Variants in MYH10 observed in about 807,000 individuals in gnomAD.
MYH10 encodes the protein myosin-10.
Under a neutral mutation model 257.8 loss-of-function variants are expected in MYH10, and 55 were observed. That is an observed-to-expected ratio of 0.21 (90% CI 0.17 to 0.27). The LOEUF is 0.27. MYH10 is among the 10% of genes least tolerant of loss of function. MYH10 has a pLI of 1.00. For missense variants in MYH10, 1,631 were observed against 2,500.6 expected (o/e 0.65, Z 7.42); for synonymous variants, 854 against 921.7 (o/e 0.93, Z 1.33).
intron 12 of MYH10, among the ~76,000 whole-genome samples, chr17:8,546,171 G>A (rs566892886): frequency 2.0e-5 from 3 of 151,640 alleles, no homozygotes; most frequent in East Asian, 3.9e-4. Flanking sequence ...CAATTCTCCC[G>A]TCTCAGCCTC....
At chr17:8,482,999 A>G (rs1287211918) in intron 37 of MYH10, among the ~76,000 whole-genome samples, 1 of 152,262 alleles carries the variant, frequency 6.6e-6, no homozygotes, top group Admixed American at 6.5e-5. Context: ...AACGTGTTCT[A>G]GGTCCCAGAG....
At chr17:8,548,905 G>T in intron 9 of MYH10, 118 bp from the exon 10 acceptor site, 1 of 747,684 alleles carries the variant, frequency 1.3e-6, no homozygotes, top group Non-Finnish European at 2.1e-6. Context: ...GCAACCCATT[G>T]CCAGCAAAAT....
At chr17:8,591,218 T>C (rs143246422) in intron 3 of MYH10, among the ~76,000 whole-genome samples, 53 of 152,284 alleles carry the variant, frequency 3.5e-4, no homozygotes, top group African/African-American at 1.2e-3. Flanking sequence ...CAAACAATAC[T>C]GCGGTTGACT....
chr17:8,500,737 C>T lies in MYH10; in HGVS notation c.3744+89G>A, dbSNP rs986786404. ...TACAGAGGCTGGAGCCTAATCAATA[C>T]ATGACTGAACAGAACGGGCAGATAG... On this transcript the variant is annotated intron_variant, in intron 29 of 42. Coordinates refer to ENST00000360416, the MANE Select transcript of MYH10 (RefSeq NM_001256012.3). The T allele has an allele frequency of 2.7e-6, 4 of 1,484,108 alleles. No individual in the cohort carries two copies. The African/African-American group carries it at 5.6e-5, about 21-fold the overall frequency. 91.9% of individuals were successfully genotyped at this position (1,484,108 alleles called of 1,614,324 possible). A position where few individuals can be genotyped will look rare whatever the true frequency, so the allele number is the denominator to read the frequency against.
intron 17 of MYH10, among the ~76,000 whole-genome samples, chr17:8,523,819 G>A (rs985931612): frequency 1.3e-5 from 2 of 152,228 alleles, no homozygotes; most frequent in Non-Finnish European, 2.9e-5. Flanking sequence ...AACTTGATAT[G>A]CAAAGTGAGG....
chr17:8,494,941 A>AC (rs1302938156), intron 31 of MYH10, among the ~76,000 whole-genome samples, 196 bp downstream of exon 31: 2 of 152,176 alleles, frequency 1.3e-5, no homozygotes, highest in African/African-American at 4.8e-5. Flanking sequence ...AGACACACGA[A>AC]CCCCAGGGGC....
intron 36 of MYH10, 133 bp downstream of exon 36, chr17:8,487,296 CTCTT>C (rs1914993838): frequency 1.0e-6 from 1 of 975,246 alleles, no homozygotes. Flanking sequence ...CACAAGCACT[CTCTT>C]TATGGCCTGC....
At chr17:8,561,759 C>A (rs1430898877) in intron 7 of MYH10, among the ~76,000 whole-genome samples, 1 of 152,092 alleles carries the variant, frequency 6.6e-6, no homozygotes, top group East Asian at 1.9e-4. Context: ...CACCAACATG[C>A]AACACTCTAT....
intron 2 of MYH10, among the ~76,000 whole-genome samples, chr17:8,607,007 A>G (rs1356330894): frequency 6.6e-6 from 1 of 152,216 alleles, no homozygotes; most frequent in Non-Finnish European, 1.5e-5. Flanking sequence ...TGCTGCCCAC[A>G]GGACAAAAGG....
At chr17:8,479,985 C>T in intron 40 of MYH10, 125 bp downstream of exon 40, 1 of 871,582 alleles carries the variant, frequency 1.1e-6, no homozygotes, top group Non-Finnish European at 1.8e-6. Context: ...ACTTCTGTGT[C>T]CCACTCTGGT....
At chr17:8,589,359 T>C (rs766818324) in intron 3 of MYH10, among the ~76,000 whole-genome samples, 3 of 152,208 alleles carry the variant, frequency 2.0e-5, no homozygotes, top group Non-Finnish European at 4.4e-5. Context: ...ATCGTTTGCC[T>C]GGATGACTTT....
At chr17:8,534,931 T>C (rs1328912031) in intron 16 of MYH10, among the ~76,000 whole-genome samples, 1 of 152,200 alleles carries the variant, frequency 6.6e-6, no homozygotes, top group South Asian at 2.1e-4. Context: ...AGAAGAGCAA[T>C]TGATCTGTAT....
chr17:8,583,623 C>T (rs2083790265), intron 4 of MYH10, among the ~76,000 whole-genome samples: 1 of 152,198 alleles, frequency 6.6e-6, no homozygotes, highest in Non-Finnish European at 1.5e-5. Flanking sequence ...TTTTCAACTA[C>T]ATTACACTGT....
In MYH10 at chr17:8,571,173, G is replaced by GTTTTTT. The variant is rs10657223; in HGVS notation, c.664-1362_664-1361insAAAAAA. Among the ~76,000 whole-genome samples the GTTTTTT allele has an allele frequency of 6.8e-5, 10 of 146,914 alleles. No individual in the cohort carries two copies. The South Asian group carries it at 1.3e-3, about 19-fold the overall frequency. On this transcript the variant is annotated intron_variant, in intron 6 of 42. Transcript: ENST00000360416. ...CTTACCAGACTATTTTTCCTGTAAAGTTTTTGTTTTTTTTTTTTTGAGACG... is the reference window on the plus strand; with the variant it reads ...CTTACCAGACTATTTTTCCTGTAAAGTTTTTTTTTTTGTTTTTTTTTTTTTGAGACG...
chr17:8,481,867 C>T (rs1016602312), intron 37 of MYH10, among the ~76,000 whole-genome samples: 4 of 152,200 alleles, frequency 2.6e-5, no homozygotes, highest in East Asian at 1.9e-4. Flanking sequence ...GCAGCTGTGC[C>T]GCAACAAGGA....
intron 4 of MYH10, among the ~76,000 whole-genome samples, chr17:8,578,684 T>C (rs2083590999): frequency 1.3e-5 from 2 of 152,150 alleles, no homozygotes; most frequent in Admixed American, 6.5e-5. Context: ...TTCTACTCAC[T>C]ACTAGGCTTG....
At chr17:8,475,977 G>C (rs1434361339) in intron 42 of MYH10, 29 bp from the exon 43 acceptor site, 1 of 1,601,696 alleles carries the variant, frequency 6.2e-7, no homozygotes. Flanking sequence ...AGATGTGTGT[G>C]GGTAAACAGA....
At chr17:8,610,440 T>A (rs904170431) in intron 2 of MYH10, among the ~76,000 whole-genome samples, 44 of 147,876 alleles carry the variant, frequency 3.0e-4, no homozygotes, top group African/African-American at 9.9e-4. Context: ...CAAAAAAAAA[T>A]AAAAAATAAA....
At position 8,542,170 on chromosome 17, in the gene MYH10, G is replaced by A. The variant is rs1395546923; in HGVS notation, c.1542C>T (p.Ile514=). ...LEQEEYQREG[I]EWNFIDFGLD... ...GCCCGAAATCGATGAAGTTCCACTCGATGCCTTCGCGCTGGTATTCCTCTT... is the reference window on the plus strand; with the variant it reads ...GCCCGAAATCGATGAAGTTCCACTCAATGCCTTCGCGCTGGTATTCCTCTT... The change falls in exon 14 of 43, where the codon ATC becomes ATT. Residue 514 remains isoleucine, a synonymous_variant. Coordinates refer to ENST00000360416, the MANE Select transcript of MYH10 (RefSeq NM_001256012.3). 12 of 1,614,024 alleles carry A rather than the reference G, an allele frequency of 7.4e-6. No individual in the cohort carries two copies. Among genetic ancestry groups the A allele is most frequent in the South Asian group, 1.1e-5 (1 of 91,074 alleles).
Sources: gnomAD v4.1 joint callset for allele counts (sites outside exome capture counted in the v4.1 genomes callset) on GRCh38, gnomAD v4.1.1 for gene constraint, MANE v1.5 for transcripts, NCBI Gene and HGNC (gene_info 2026-07-23, HGNC 2026-07-21) for gene names.